Variants in L1CAM observed in about 807,000 individuals in gnomAD.
L1CAM encodes L1 cell adhesion molecule.
L1CAM carries 8 observed loss-of-function variants against 93.0 expected under a neutral mutation model. The observed-to-expected ratio is 0.09, with a 90% CI of 0.05 to 0.16. The LOEUF (loss-of-function observed/expected upper bound fraction) is 0.16, where lower values mean the gene tolerates loss of function less well. L1CAM is among the 10% of genes least tolerant of loss of function. The probability of loss-of-function intolerance (pLI) is 1.00; values close to 1 mark genes in which losing one functional copy is unlikely to be tolerated. For synonymous variants in L1CAM, 453 were observed against 453.0 expected, an observed-to-expected ratio of 1.00 and a Z score of 0.00; for missense variants, 777 against 1,073.4, an observed-to-expected ratio of 0.72 and a Z score of 3.86.
rs1248790030 is a variant in L1CAM at position 153,863,965 on chromosome X, G to A, written c.3375C>T (p.Gly1125=). ...GCAGGAGGATGATGGCACTCACAAAGCCGATGAACCAGCCCTCAGTGGCGA... is the reference window on the plus strand; with the variant it reads ...GCAGGAGGATGATGGCACTCACAAAACCGATGAACCAGCCCTCAGTGGCGA... ...AGFATEGWFI[G]FVSAIILLLL... The change falls in exon 26 of 29, where the codon GGC becomes GGT. Residue 1125 remains glycine, a synonymous_variant. Transcript: ENST00000370060. 9.9e-6 allele frequency: 12 copies of A among 1,211,270 alleles called. No homozygotes were observed. The highest frequency in any genetic ancestry group is 1.2e-5 in the Non-Finnish European group (11 of 895,381).
chrX:153,871,203 A>G, intron 5 of L1CAM, 24 bp from the exon 6 acceptor site: 1 of 1,185,792 alleles, frequency 8.4e-7, no homozygotes, highest in Non-Finnish European at 1.1e-6. Flanking sequence ...ACGGGCTGAC[A>G]CTCTCCTCCT....
chrX:153,866,312 C>CA lies in L1CAM; in HGVS notation c.2431+336dup, dbSNP rs374864697. ...TGGATGACAGAGCAAGACTCCATCT[C>CA]AAAAAAAAAAAAAAAGAAAGAAAAG... is the stretch of plus-strand genomic sequence containing the variant. On this transcript the variant is annotated intron_variant, in intron 19 of 28. Coordinates refer to ENST00000370060, the MANE Select transcript of L1CAM (RefSeq NM_001278116.2). 0.039 allele frequency among the ~76,000 whole-genome samples: 1,375 copies of CA among 35,174 alleles called. 15 individuals carry two copies. The highest frequency in any genetic ancestry group is 0.047 in the African/African-American group (656 of 14,097). 30.5% of individuals were successfully genotyped at this position (35,174 alleles called of 115,157 possible).
chrX:153,882,364 C>G (rs2064849853), intron 1 of L1CAM, among the ~76,000 whole-genome samples: 1 of 110,900 alleles, frequency 9.0e-6, no homozygotes, highest in African/African-American at 3.3e-5. Context: ...CAGCAGCCAC[C>G]CTCAGCCCCA....
At chrX:153,869,981 C>T (rs1266324612) in intron 9 of L1CAM, 47 bp from the exon 10 acceptor site, 2 of 1,208,428 alleles carry the variant, frequency 1.7e-6, no homozygotes, top group Non-Finnish European at 2.2e-6. Context: ...CAGCAGCTGG[C>T]TCTTGACCCG....
chrX:153,869,456 G>T, intron 11 of L1CAM, 64 bp downstream of exon 11: 2 of 1,167,518 alleles, frequency 1.7e-6, no homozygotes, highest in South Asian at 3.6e-5. Context: ...CACTCTGGTG[G>T]CCTGGCCCAG....
rs782586726 is a variant in L1CAM, at chrX:153,866,912, C to T, written c.2209-41G>A. On this transcript the variant is annotated intron_variant, in intron 18 of 28. Coordinates refer to ENST00000370060, the MANE Select transcript of L1CAM (RefSeq NM_001278116.2). ...AGAAGAGGAGTTGGTTGGCCAAGAACACCAGCATTCTTTGGCCCGCCCCCC... is the reference window on the plus strand; with the variant it reads ...AGAAGAGGAGTTGGTTGGCCAAGAATACCAGCATTCTTTGGCCCGCCCCCC... 3.5e-6 allele frequency: 4 copies of T among 1,157,859 alleles called. No individual in the cohort carries two copies. The African/African-American group carries it at 7.1e-5, about 21-fold the overall frequency.
intron 1 of L1CAM, chrX:153,885,535 G>C (rs782642896): frequency 2.2e-6 from 1 of 453,569 alleles, no homozygotes; most frequent in African/African-American, 2.6e-5. Context: ...GCCCAGTCCC[G>C]TTCACTCCCC....
chrX:153,886,094 G>A lies in L1CAM; in HGVS notation c.-138C>T. 1 of 197,079 alleles carries A rather than the reference G, an allele frequency of 5.1e-6. No homozygotes were observed. The highest frequency in any genetic ancestry group is 7.6e-6 in the Non-Finnish European group (1 of 130,926). 16.2% of individuals were successfully genotyped at this position (197,079 alleles called of 1,213,427 possible). A position where few individuals can be genotyped will look rare whatever the true frequency, so the allele number is the denominator to read the frequency against. On this transcript the variant is annotated 5_prime_UTR_variant, in exon 1 of 29. Transcript: ENST00000370060. ...GCTGCGGCCACCGCTCGGGCTGCCC[G>A]CCCAGCCTCCGCGCACGCCGGCCTC...
intron 25 of L1CAM, 74 bp from the exon 26 acceptor site, chrX:153,864,091 T>A: frequency 8.5e-7 from 1 of 1,181,670 alleles, no homozygotes; most frequent in Non-Finnish European, 1.1e-6. Context: ...AGTATGCTCT[T>A]AAAGTTGGGG....
Position 153,862,487 on chromosome X carries a change from T to C in L1CAM, c.*176A>G. ...GCCCAAGCTGGGGCAGAGCAGCGTG[T>C]GCCCAGGAAGGGGTGCAGCTGGGTT... On this transcript the variant is annotated 3_prime_UTR_variant, in exon 29 of 29. Coordinates refer to ENST00000370060, the MANE Select transcript of L1CAM (RefSeq NM_001278116.2). 1 of 429,368 alleles carries C rather than the reference T, an allele frequency of 2.3e-6. No homozygotes were observed. Among genetic ancestry groups the C allele is most frequent in the Admixed American group, 4.0e-5 (1 of 24,765 alleles). The allele number at this position is 429,368 out of a possible 1,213,427, so 35.4% of individuals were successfully genotyped here.
At chrX:153,864,113 G>A (rs1275256181) in intron 25 of L1CAM, 96 bp from the exon 26 acceptor site, 11 of 1,136,552 alleles carry the variant, frequency 9.7e-6, no homozygotes, top group Non-Finnish European at 1.2e-5. Context: ...CCTCTGGGGG[G>A]CTAAGGAGTG....
chrX:153,867,629 G>A (rs1557091445), intron 16 of L1CAM, 76 bp from the exon 17 acceptor site: 1 of 1,038,279 alleles, frequency 9.6e-7, no homozygotes, highest in Admixed American at 2.2e-5. Flanking sequence ...GTTGGGTACA[G>A]TCTGGGTCCC....
At chrX:153,884,637 C>T (rs1557096555) in intron 1 of L1CAM, 1 of 153,303 alleles carries the variant, frequency 6.5e-6, no homozygotes, top group African/African-American at 3.2e-5. Context: ...CCAACCCTGC[C>T]CCAAACTTCC....
chrX:153,876,004 C>G, intron 1 of L1CAM, 60 bp from the exon 2 acceptor site: 1 of 495,667 alleles, frequency 2.0e-6, no homozygotes. Flanking sequence ...AACGGAAGGA[C>G]GTTAGTGACT....
chrX:153,885,219 G>A lies in L1CAM; in HGVS notation c.-109+846C>T, dbSNP rs1557096657. 1.0e-5 allele frequency: 3 copies of A among 300,213 alleles called. No homozygotes were observed. In the Admixed American group the frequency reaches 1.2e-4, roughly 12 times the overall value. 24.7% of individuals were successfully genotyped at this position (300,213 alleles called of 1,213,427 possible). ...TGTGGCAGTGGGCAAAAGACCTGCA[G>A]TGCGCAGGGACCGCCTGAGCCAGTG... On this transcript the variant is annotated intron_variant, in intron 1 of 28. Coordinates refer to ENST00000370060, the MANE Select transcript of L1CAM (RefSeq NM_001278116.2).
chrX:153,874,931 G>A lies in L1CAM; in HGVS notation c.76+830C>T, dbSNP rs782561785. ...ACATGACCCAATGCAATCAAATGTC[G>A]TGGTCAAATACCTCCCGACCTCCAC... On this transcript the variant is annotated intron_variant, in intron 2 of 28. Transcript: ENST00000370060. Among the ~76,000 whole-genome samples, 6 of 112,155 alleles carry A rather than the reference G, an allele frequency of 5.3e-5. No individual in the cohort carries two copies. In the South Asian group the frequency reaches 1.1e-3, roughly 21 times the overall value.
At chrX:153,874,930 C>T (rs1251451371) in intron 2 of L1CAM, among the ~76,000 whole-genome samples, 1 of 112,280 alleles carries the variant, frequency 8.9e-6, no homozygotes, top group Non-Finnish European at 1.9e-5. Context: ...AATCAAATGT[C>T]GTGGTCAAAT....
At chrX:153,865,916 AT>A in intron 19 of L1CAM, 97 bp from the exon 20 acceptor site, 2 of 586,085 alleles carry the variant, frequency 3.4e-6, no homozygotes, top group Non-Finnish European at 6.0e-6. Flanking sequence ...GAATTCGGAT[AT>A]TTTATGAGGT....
At chrX:153,882,204 G>A (rs782233739) in intron 1 of L1CAM, among the ~76,000 whole-genome samples, 2 of 111,955 alleles carry the variant, frequency 1.8e-5, no homozygotes, top group South Asian at 3.7e-4. Flanking sequence ...GCCCGGGGGC[G>A]GACAATGGGG....
Sources: gnomAD v4.1 joint callset for allele counts (sites outside exome capture counted in the v4.1 genomes callset) on GRCh38, gnomAD v4.1.1 for gene constraint, MANE v1.5 for transcripts, NCBI Gene and HGNC (gene_info 2026-07-23, HGNC 2026-07-21) for gene names.